C10orf67: variants seen among roughly 807,000 people sequenced by gnomAD.
The protein encoded by C10orf67 is chromosome 10 open reading frame 67.
Under a neutral mutation model 35.6 loss-of-function variants are expected in C10orf67, and 60 were observed. The ratio of observed to expected loss-of-function variants is 1.68; its 90% CI spans 1.37 to 2.09. The LOEUF (loss-of-function observed/expected upper bound fraction) is 2.09, where lower values mean the gene tolerates loss of function less well. Among genes scored for constraint, C10orf67 ranks in the 30% most tolerant of loss-of-function variants. The pLI, the probability that C10orf67 is intolerant of heterozygous loss-of-function variation, is 0.00. For synonymous variants in C10orf67, 167 were observed against 115.8 expected (o/e 1.44, Z -2.84); for missense variants, 474 against 330.2 (o/e 1.44, Z -3.38).
chr10:23,267,978 GAA>G (rs1842926478), intron 8 of C10orf67, among the ~76,000 whole-genome samples: 1 of 151,986 alleles, frequency 6.6e-6, no homozygotes, highest in Admixed American at 6.6e-5. Flanking sequence ...CGTAATGAAT[GAA>G]ATTTTACTTT....
intron 10 of C10orf67, among the ~76,000 whole-genome samples, chr10:23,264,603 T>C (rs938711387): frequency 2.6e-5 from 4 of 152,212 alleles, no homozygotes; most frequent in African/African-American, 9.6e-5. Flanking sequence ...GGAATATCTC[T>C]GCCCCTTGTG....
chr10:23,228,010 C>G (rs575206543), intron 13 of C10orf67, among the ~76,000 whole-genome samples: 1 of 152,078 alleles, frequency 6.6e-6, no homozygotes, highest in South Asian at 2.1e-4. Context: ...ATGGCCATAC[C>G]GCCCAAGGGA....
chr10:23,337,399 T>A (rs1845729721), intron 1 of C10orf67, among the ~76,000 whole-genome samples: 1 of 152,060 alleles, frequency 6.6e-6, no homozygotes, highest in Non-Finnish European at 1.5e-5. Flanking sequence ...CCAGGTGTGG[T>A]GGCAAACACC....
At chr10:23,303,519 T>TA in intron 4 of C10orf67, 60 bp from the exon 5 acceptor site, 1 of 431,024 alleles carries the variant, frequency 2.3e-6, no homozygotes, top group Non-Finnish European at 4.2e-6. Flanking sequence ...ATTAGGCACT[T>TA]ACACTAAATT....
intron 13 of C10orf67, among the ~76,000 whole-genome samples, chr10:23,235,054 A>G (rs937044192): frequency 1.3e-5 from 2 of 151,686 alleles, no homozygotes; most frequent in Admixed American, 6.6e-5. Flanking sequence ...ATAAATAAAT[A>G]AAAGGATTTA....
At chr10:23,338,584 C>A (rs370083915) in intron 1 of C10orf67, among the ~76,000 whole-genome samples, 4 of 152,314 alleles carry the variant, frequency 2.6e-5, no homozygotes, top group Admixed American at 2.0e-4. Context: ...CACAGCACCA[C>A]TTCCCATCAA....
chr10:23,319,054 T>C, intron 4 of C10orf67: 3 of 661,724 alleles, frequency 4.5e-6, no homozygotes, highest in Middle Eastern at 2.5e-4. Flanking sequence ...GTTTATTACA[T>C]GGGTAAATTG....
intron 4 of C10orf67, among the ~76,000 whole-genome samples, chr10:23,310,321 ACTCTGGCCCCC>A (rs1231616787): frequency 6.6e-6 from 1 of 151,942 alleles, no homozygotes; most frequent in Non-Finnish European, 1.5e-5. Context: ...TCCTCCCACC[ACTCTGGCCCCC>A]CTTAGATTTG....
intron 6 of C10orf67, among the ~76,000 whole-genome samples, chr10:23,290,218 G>A (rs758067085): frequency 7.9e-5 from 12 of 152,296 alleles, no homozygotes; most frequent in Admixed American, 2.0e-4. Context: ...CAATACTAGC[G>A]ACGGACATTT....
intron 2 of C10orf67, among the ~76,000 whole-genome samples, chr10:23,327,004 G>A (rs1190004232): frequency 6.6e-6 from 1 of 152,024 alleles, no homozygotes; most frequent in Non-Finnish European, 1.5e-5. Context: ...AAGACAGAAG[G>A]ACACAATTAG....
At chr10:23,322,871 G>A (rs1845014004) in intron 2 of C10orf67, among the ~76,000 whole-genome samples, 1 of 151,810 alleles carries the variant, frequency 6.6e-6, no homozygotes, top group Non-Finnish European at 1.5e-5. Flanking sequence ...AAATAAAAAT[G>A]GAAAAAATGT....
chr10:23,223,530 A>G, intron 15 of C10orf67, 68 bp downstream of exon 15: 1 of 709,056 alleles, frequency 1.4e-6, no homozygotes, highest in East Asian at 2.7e-5. Flanking sequence ...AAAAAAGAAA[A>G]GCAAAGTTAA....
intron 10 of C10orf67, among the ~76,000 whole-genome samples, chr10:23,262,451 C>T (rs1307900657): frequency 6.6e-6 from 1 of 152,162 alleles, no homozygotes; most frequent in Non-Finnish European, 1.5e-5. Context: ...CATCTGTGGT[C>T]AGGACCTCAC....
intron 15 of C10orf67, among the ~76,000 whole-genome samples, chr10:23,217,749 G>C (rs946759057): frequency 1.3e-5 from 2 of 151,958 alleles, no homozygotes; most frequent in African/African-American, 4.8e-5. Flanking sequence ...TGCGATTAGT[G>C]GTATTTATTA....
chr10:23,246,532 A>T (rs1438340827), intron 12 of C10orf67, among the ~76,000 whole-genome samples: 1 of 152,202 alleles, frequency 6.6e-6, no homozygotes, highest in Admixed American at 6.5e-5. Context: ...CAGGAATGAA[A>T]CACAAATATC....
chr10:23,235,833 T>C (rs564842578), intron 13 of C10orf67, among the ~76,000 whole-genome samples: 1 of 152,254 alleles, frequency 6.6e-6, no homozygotes, highest in African/African-American at 2.4e-5. Flanking sequence ...ACTAACAATA[T>C]TGGGTGGGCA....
intron 10 of C10orf67, among the ~76,000 whole-genome samples, chr10:23,253,303 A>G (rs1435356454): frequency 6.6e-6 from 1 of 152,230 alleles, no homozygotes; most frequent in Non-Finnish European, 1.5e-5. Context: ...ATTCATCAAA[A>G]AAGTGGGGGT....
chr10:23,233,633 C>T (rs889446463), intron 13 of C10orf67, among the ~76,000 whole-genome samples: 1 of 152,108 alleles, frequency 6.6e-6, no homozygotes, highest in African/African-American at 2.4e-5. Context: ...AAAAGAATAA[C>T]ATAATCATGA....
At chr10:23,298,185 G>A (rs929645088) in intron 5 of C10orf67, among the ~76,000 whole-genome samples, 1 of 152,136 alleles carries the variant, frequency 6.6e-6, no homozygotes, top group African/African-American at 2.4e-5. Flanking sequence ...AACCTGGGAG[G>A]CGGAGCTTGC....
Sources: allele counts gnomAD v4.1 joint callset (sites outside exome capture counted in the v4.1 genomes callset), GRCh38; gene constraint gnomAD v4.1.1; transcripts MANE v1.5; gene names NCBI Gene and HGNC (gene_info 2026-07-23, HGNC 2026-07-21).